The following PRKAR1B variants were observed in gnomAD, a reference collection of about 807,000 sequenced individuals.
PRKAR1B encodes the protein protein kinase cAMP-dependent type I regulatory subunit beta, also known as cAMP-dependent protein kinase type I-beta regulatory subunit.
A neutral mutation model predicts 46.5 loss-of-function variants in PRKAR1B; 22 were observed. The observed-to-expected ratio is 0.47, with a 90% confidence interval of 0.34 to 0.68. The LOEUF (loss-of-function observed/expected upper bound fraction) is 0.68. Ranked by LOEUF, PRKAR1B falls within the 30% of genes least tolerant of loss-of-function variation. The pLI is 0.01. For missense variants in PRKAR1B, 445 were observed against 535.6 expected (o/e 0.83, Z 1.67); for synonymous variants, 259 against 217.7 (o/e 1.19, Z -1.67).
intron 10 of PRKAR1B, among the ~76,000 whole-genome samples, chr7:551,019 GCCCAGGTGCA>G (rs1006943643): frequency 1.7e-4 from 26 of 151,274 alleles, no homozygotes; most frequent in Admixed American, 3.9e-4. Flanking sequence ...CTGCAGGAAT[GCCCAGGTGCA>G]CCCAGGTAGG....
At chr7:609,897 C>T (rs567137130) in intron 4 of PRKAR1B, among the ~76,000 whole-genome samples, 34 of 152,220 alleles carry the variant, frequency 2.2e-4, no homozygotes, top group African/African-American at 7.2e-4. Context: ...CGTGCCACCA[C>T]GCCTGCTTAT....
At chr7:678,876 A>C (rs1778496661) in intron 3 of PRKAR1B, among the ~76,000 whole-genome samples, 1 of 152,180 alleles carries the variant, frequency 6.6e-6, no homozygotes, top group Non-Finnish European at 1.5e-5. Context: ...ACCTGAGGTC[A>C]GAAGTTCAAG....
At chr7:566,028 T>C (rs570094653) in intron 9 of PRKAR1B, among the ~76,000 whole-genome samples, 1 of 152,272 alleles carries the variant, frequency 6.6e-6, no homozygotes, top group African/African-American at 2.4e-5. Flanking sequence ...ATCAGACATA[T>C]TGGGAGGATA....
At chr7:557,093 G>A (rs947334383) in intron 9 of PRKAR1B, among the ~76,000 whole-genome samples, 1 of 152,250 alleles carries the variant, frequency 6.6e-6, no homozygotes, top group Non-Finnish European at 1.5e-5. Flanking sequence ...CAGAGTCGGG[G>A]AGGAACTGGG....
chr7:583,854 A>C (rs1318671038), intron 8 of PRKAR1B, among the ~76,000 whole-genome samples: 1 of 151,804 alleles, frequency 6.6e-6, no homozygotes, highest in East Asian at 1.9e-4. Flanking sequence ...ACTCACCCCC[A>C]CACACCTGCA....
At chr7:660,734 C>T (rs1365281874) in intron 4 of PRKAR1B, among the ~76,000 whole-genome samples, 4 of 134,504 alleles carry the variant, frequency 3.0e-5, no homozygotes, top group Non-Finnish European at 6.4e-5. Flanking sequence ...GCACAGGTCC[C>T]CACCCCAACG....
chr7:723,580 G>A (rs912704221), intron 1 of PRKAR1B, among the ~76,000 whole-genome samples: 36 of 152,168 alleles, frequency 2.4e-4, no homozygotes, highest in African/African-American at 7.2e-4. Flanking sequence ...TCCCACCACC[G>A]TAATTCAAGC....
chr7:639,077 CA>C (rs1384476525), intron 4 of PRKAR1B, among the ~76,000 whole-genome samples: 2 of 144,574 alleles, frequency 1.4e-5, no homozygotes, highest in African/African-American at 5.3e-5. Flanking sequence ...GACTCTGTCT[CA>C]AAAAGATAAA....
intron 9 of PRKAR1B, among the ~76,000 whole-genome samples, chr7:566,290 TTCA>T (rs1490770441): frequency 1.4e-5 from 2 of 143,658 alleles, no homozygotes; most frequent in African/African-American, 2.6e-5. Context: ...CATCTTCACC[TTCA>T]TCATCACCAT....
At chr7:584,632 T>C in intron 7 of PRKAR1B, 64 bp from the exon 8 acceptor site, 1 of 1,371,604 alleles carries the variant, frequency 7.3e-7, no homozygotes, top group African/African-American at 1.4e-5. Flanking sequence ...CATCCTGACG[T>C]TTCCAGATTT....
intron 8 of PRKAR1B, among the ~76,000 whole-genome samples, chr7:582,639 C>T (rs914845978): frequency 2.0e-5 from 3 of 152,258 alleles, no homozygotes; most frequent in Non-Finnish European, 2.9e-5. Flanking sequence ...CCACCTCCAG[C>T]CGGGGGGTCA....
chr7:725,218 A>AG (rs1193168973), intron 1 of PRKAR1B, among the ~76,000 whole-genome samples: 1 of 152,076 alleles, frequency 6.6e-6, no homozygotes, highest in East Asian at 1.9e-4. Flanking sequence ...CATCTCAAAA[A>AG]AAAAAAAAAA....
At chr7:605,704 C>T (rs528629484) in intron 6 of PRKAR1B, among the ~76,000 whole-genome samples, 5 of 152,254 alleles carry the variant, frequency 3.3e-5, no homozygotes, top group Admixed American at 1.3e-4. Flanking sequence ...ACCCGACTCA[C>T]GGCTGGGACG....
At chr7:615,416 C>A (rs1322421504) in intron 4 of PRKAR1B, among the ~76,000 whole-genome samples, 1 of 145,822 alleles carries the variant, frequency 6.9e-6, no homozygotes, top group Non-Finnish European at 1.5e-5. Flanking sequence ...CAGAGCGAGA[C>A]TCCGTCTCAA....
rs189285166 is a variant in PRKAR1B at position 665,256 on chromosome 7, C to T, written c.440+11973G>A. Among the ~76,000 whole-genome samples the T allele has an allele frequency of 2.6e-5, 4 of 152,292 alleles. No homozygotes were observed. The East Asian group carries it at 5.8e-4, about 22-fold the overall frequency. On this transcript the variant is annotated intron_variant, in intron 4 of 10. Transcript: ENST00000537384. ...CCGGCAGGTTAATGAGCTGTGTGTGCATTCACGGTGGGCAAGTCAGCCCCA... is the reference window on the plus strand; with the variant it reads ...CCGGCAGGTTAATGAGCTGTGTGTGTATTCACGGTGGGCAAGTCAGCCCCA...
chr7:608,689 GGGC>G (rs1562559717), intron 4 of PRKAR1B, among the ~76,000 whole-genome samples: 1 of 107,114 alleles, frequency 9.3e-6, no homozygotes, highest in Admixed American at 8.6e-5. Context: ...GTTGTAGGGA[GGGC>G]TGGGGGGCCT....
chr7:578,118 A>T (rs984473916), intron 9 of PRKAR1B, among the ~76,000 whole-genome samples: 35 of 152,196 alleles, frequency 2.3e-4, no homozygotes, highest in African/African-American at 8.4e-4. Flanking sequence ...AGTGGCTTGC[A>T]CCCTGGCCCT....
intron 2 of PRKAR1B, among the ~76,000 whole-genome samples, chr7:690,818 C>A (rs1779372966): frequency 6.6e-6 from 1 of 152,210 alleles, no homozygotes; most frequent in African/African-American, 2.4e-5. Flanking sequence ...CAACACCCAG[C>A]AGTCCTGTGT....
intron 4 of PRKAR1B, among the ~76,000 whole-genome samples, chr7:658,510 A>G (rs1209433163): frequency 4.6e-5 from 7 of 152,216 alleles, no homozygotes; most frequent in Non-Finnish European, 5.9e-5. Context: ...TTTGCTTCAA[A>G]ATAGATCAGG....
Sources: gnomAD v4.1 joint callset for allele counts (sites outside exome capture counted in the v4.1 genomes callset) on GRCh38, gnomAD v4.1.1 for gene constraint, MANE v1.5 for transcripts, NCBI Gene and HGNC (gene_info 2026-07-23, HGNC 2026-07-21) for gene names.